Variants in CNTNAP2 observed in about 807,000 individuals in gnomAD.
CNTNAP2 encodes the protein contactin-associated protein-like 2.
In CNTNAP2, 98 loss-of-function variants were observed where a neutral mutation model predicts 155.2. The ratio of observed to expected loss-of-function variants is 0.63; its 90% CI spans 0.54 to 0.75. The LOEUF (loss-of-function observed/expected upper bound fraction) is 0.75. CNTNAP2 is among the 30% of genes least tolerant of loss of function. The probability of loss-of-function intolerance (pLI) is 0.00; values close to 1 mark genes in which losing one functional copy is unlikely to be tolerated. For synonymous variants in CNTNAP2, 651 were observed against 631.2 expected (o/e 1.03, Z -0.47); for missense variants, 1,727 against 1,688.1 (o/e 1.02, Z -0.40).
At chr7:147,906,497 A>ATTT (rs575324842) in intron 14 of CNTNAP2, among the ~76,000 whole-genome samples, 1 of 145,648 alleles carries the variant, frequency 6.9e-6, no homozygotes, top group African/African-American at 2.5e-5. Context: ...TTTATTTTTT[A>ATTT]TTTTTTTTTT....
chr7:146,223,380 G>C (rs1057222107), intron 1 of CNTNAP2, among the ~76,000 whole-genome samples: 2 of 152,162 alleles, frequency 1.3e-5, no homozygotes, highest in African/African-American at 4.8e-5. Flanking sequence ...GGTCTTCTTG[G>C]GGTCAGATGC....
chr7:147,505,391 T>A (rs1441988264), intron 11 of CNTNAP2, among the ~76,000 whole-genome samples: 1 of 150,802 alleles, frequency 6.6e-6, no homozygotes, highest in Non-Finnish European at 1.5e-5. Flanking sequence ...ATACAATGTG[T>A]GACTAAAAAT....
chr7:147,099,188 T>C (rs1173662398), intron 4 of CNTNAP2, among the ~76,000 whole-genome samples: 2 of 152,296 alleles, frequency 1.3e-5, no homozygotes, highest in East Asian at 3.9e-4. Context: ...GTCTTGTACC[T>C]GATTCTGGGA....
Position 147,247,597 on chromosome 7 carries a change from T to C in CNTNAP2, c.1349-52544T>C, listed in dbSNP as rs73459582. ...AGTATAGGTTATACATTTATGAATA[T>C]TATTCAAACACTGAAGATAAAGATT... is the stretch of plus-strand genomic sequence containing the variant. On this transcript the variant is annotated intron_variant, in intron 8 of 23. Coordinates refer to ENST00000361727, the MANE Select transcript of CNTNAP2 (RefSeq NM_014141.6). Among the ~76,000 whole-genome samples the C allele has an allele frequency of 7.2e-3, 1,097 of 152,326 alleles. 14 individuals carry two copies. The highest frequency in any genetic ancestry group is 0.025 in the African/African-American group (1,043 of 41,570).
At chr7:146,529,554 T>G (rs1030862933) in intron 1 of CNTNAP2, among the ~76,000 whole-genome samples, 3 of 152,302 alleles carry the variant, frequency 2.0e-5, no homozygotes, top group Non-Finnish European at 4.4e-5. Context: ...ATGTGACTAA[T>G]GCATACATGA....
intron 13 of CNTNAP2, chr7:147,672,529 C>T (rs1175800126): frequency 6.6e-6 from 1 of 152,178 alleles, no homozygotes; most frequent in Non-Finnish European, 1.5e-5. Context: ...AAACTTTGGA[C>T]TGGATTCTCA....
chr7:146,721,042 C>CTATATATATACTCAATATATAT (rs1801288514), intron 1 of CNTNAP2, among the ~76,000 whole-genome samples: 1 of 115,792 alleles, frequency 8.6e-6, no homozygotes, highest in Non-Finnish European at 1.6e-5. Context: ...TCTATATATT[C>CTATATATATACTCAATATATAT]TATATATATA....
intron 21 of CNTNAP2, among the ~76,000 whole-genome samples, chr7:148,353,846 C>G (rs898040466): frequency 3.3e-5 from 5 of 152,150 alleles, no homozygotes; most frequent in African/African-American, 9.7e-5. Flanking sequence ...GAAGTTGATT[C>G]AAAAAGTCAA....
At chr7:147,584,875 C>T (rs1419302934) in intron 12 of CNTNAP2, among the ~76,000 whole-genome samples, 1 of 152,152 alleles carries the variant, frequency 6.6e-6, no homozygotes, top group Non-Finnish European at 1.5e-5. Context: ...ACTCCCTATC[C>T]TCAGCTCCCA....
intron 1 of CNTNAP2, among the ~76,000 whole-genome samples, chr7:146,429,026 A>G (rs544036402): frequency 3.3e-5 from 5 of 151,992 alleles, no homozygotes; most frequent in African/African-American, 9.7e-5. Flanking sequence ...TGAATATCAG[A>G]TGGTTGTAGG....
intron 12 of CNTNAP2, among the ~76,000 whole-genome samples, chr7:147,636,886 GA>G (rs1795189892): frequency 6.6e-6 from 1 of 152,138 alleles, no homozygotes; most frequent in African/African-American, 2.4e-5. Context: ...AGCAGCTGTA[GA>G]ATAGGAAAGG....
chr7:146,254,142 CA>C, intron 1 of CNTNAP2, among the ~76,000 whole-genome samples: 1 of 142,176 alleles, frequency 7.0e-6, no homozygotes. Context: ...CACACACACA[CA>C]CACACACACA....
chr7:146,172,271 T>C (rs556166483), intron 1 of CNTNAP2, among the ~76,000 whole-genome samples: 1 of 152,200 alleles, frequency 6.6e-6, no homozygotes, highest in East Asian at 1.9e-4. Context: ...AGAAATGTTT[T>C]GTTGTCACAA....
At chr7:147,245,548 T>TA (rs1397862094) in intron 8 of CNTNAP2, among the ~76,000 whole-genome samples, 2 of 151,866 alleles carry the variant, frequency 1.3e-5, no homozygotes, top group African/African-American at 4.8e-5. Context: ...AATTTCATCT[T>TA]AGAGGCTGGG....
intron 1 of CNTNAP2, among the ~76,000 whole-genome samples, chr7:146,617,833 C>T (rs543565906): frequency 3.9e-5 from 6 of 152,006 alleles, no homozygotes; most frequent in South Asian, 4.1e-4. Context: ...TAATGTAAAA[C>T]GGCTTAATAA....
intron 3 of CNTNAP2, among the ~76,000 whole-genome samples, chr7:146,927,117 T>C (rs1461755239): frequency 6.6e-6 from 1 of 152,152 alleles, no homozygotes; most frequent in East Asian, 1.9e-4. Context: ...TCTTTCTCTT[T>C]TCATGTCATC....
chr7:148,365,457 C>T (rs1312550352), intron 21 of CNTNAP2, among the ~76,000 whole-genome samples: 1 of 152,146 alleles, frequency 6.6e-6, no homozygotes, highest in East Asian at 1.9e-4. Context: ...CTGAGGTCAG[C>T]AGTTCGAGAC....
chr7:147,736,494 T>C (rs749367168), intron 13 of CNTNAP2, among the ~76,000 whole-genome samples: 1 of 152,216 alleles, frequency 6.6e-6, no homozygotes, highest in Non-Finnish European at 1.5e-5. Flanking sequence ...CTGACAATTA[T>C]GTGTCTTGGA....
intron 6 of CNTNAP2, among the ~76,000 whole-genome samples, chr7:147,124,543 C>T (rs1362188461): frequency 6.6e-6 from 1 of 152,122 alleles, no homozygotes; most frequent in Non-Finnish European, 1.5e-5. Flanking sequence ...CCTAATAGCA[C>T]TATATGACGG....
Sources: allele counts gnomAD v4.1 joint callset (sites outside exome capture counted in the v4.1 genomes callset), GRCh38; gene constraint gnomAD v4.1.1; transcripts MANE v1.5; gene names NCBI Gene and HGNC (gene_info 2026-07-23, HGNC 2026-07-21).